LRBA: variants seen among roughly 807,000 people sequenced by gnomAD.
LRBA encodes the protein lipopolysaccharide-responsive and beige-like anchor protein.
LRBA carries 176 observed loss-of-function variants against 330.0 expected under a neutral mutation model. The ratio of observed to expected loss-of-function variants is 0.53; its 90% CI spans 0.47 to 0.60. The LOEUF (loss-of-function observed/expected upper bound fraction) is 0.60, where lower values mean the gene tolerates loss of function less well. Ranked by LOEUF, LRBA falls within the 20% of genes least tolerant of loss-of-function variation. The pLI is 0.00. For missense variants in LRBA, 3,259 were observed against 3,444.8 expected (o/e 0.95, Z 1.35); for synonymous variants, 1,230 against 1,193.0 (o/e 1.03, Z -0.64).
chr4:150,512,844 C>T (rs1202878618), intron 40 of LRBA, among the ~76,000 whole-genome samples: 2 of 151,618 alleles, frequency 1.3e-5, no homozygotes, highest in Non-Finnish European at 2.9e-5. Context: ...TAAAAATATG[C>T]AATGTAGATT....
At chr4:150,940,983 T>C (rs996157885) in intron 2 of LRBA, among the ~76,000 whole-genome samples, 6 of 152,068 alleles carry the variant, frequency 3.9e-5, no homozygotes, top group Admixed American at 1.3e-4. Context: ...TTTCAGTGTA[T>C]CTACTGACTC....
chr4:150,437,505 C>CTATATA (rs1299926510), intron 44 of LRBA, among the ~76,000 whole-genome samples: 4 of 136,018 alleles, frequency 2.9e-5, no homozygotes, highest in African/African-American at 1.0e-4. Flanking sequence ...CTCTCTCTCT[C>CTATATA]TCTATATATA....
At chr4:150,647,169 C>T (rs1266682481) in intron 37 of LRBA, among the ~76,000 whole-genome samples, 2 of 151,414 alleles carry the variant, frequency 1.3e-5, no homozygotes, top group Non-Finnish European at 2.9e-5. Flanking sequence ...TTGTCAAATG[C>T]CTTGCAGAAT....
At chr4:150,562,348 A>G (rs1359279268) in intron 40 of LRBA, among the ~76,000 whole-genome samples, 6 of 152,220 alleles carry the variant, frequency 3.9e-5, no homozygotes, top group African/African-American at 1.4e-4. Context: ...ACATACATAT[A>G]TATTCAGCCT....
At chr4:150,541,853 A>G (rs995841980) in intron 40 of LRBA, among the ~76,000 whole-genome samples, 21 of 152,114 alleles carry the variant, frequency 1.4e-4, no homozygotes, top group African/African-American at 4.8e-5. Context: ...TAATTTAAAA[A>G]AAATTTTTTT....
intron 56 of LRBA, among the ~76,000 whole-genome samples, chr4:150,275,501 G>A (rs2126730800): frequency 6.6e-6 from 1 of 152,294 alleles, no homozygotes; most frequent in African/African-American, 2.4e-5. Context: ...ATCCCTGTTT[G>A]CAGATGACAT....
At chr4:150,436,906 A>G (rs745807101) in intron 44 of LRBA, 42 bp from the exon 45 acceptor site, 5 of 1,572,840 alleles carry the variant, frequency 3.2e-6, no homozygotes, top group Non-Finnish European at 4.4e-6. Context: ...CATCAATGTA[A>G]TCATCCTTCA....
chr4:150,405,515 A>T (rs1172833155), intron 47 of LRBA, among the ~76,000 whole-genome samples: 1 of 152,152 alleles, frequency 6.6e-6, no homozygotes, highest in Non-Finnish European at 1.5e-5. Context: ...GCCATTTTGA[A>T]ATGTTTCTAT....
At chr4:150,559,456 G>A (rs1456777747) in intron 40 of LRBA, among the ~76,000 whole-genome samples, 3 of 147,878 alleles carry the variant, frequency 2.0e-5, no homozygotes, top group Non-Finnish European at 4.4e-5. Context: ...AGCTACTCAG[G>A]AGGTTGAGGC....
At chr4:150,376,780 C>T (rs1054202685) in intron 47 of LRBA, among the ~76,000 whole-genome samples, 2 of 152,084 alleles carry the variant, frequency 1.3e-5, no homozygotes, top group East Asian at 1.9e-4. Context: ...AAGATAACCC[C>T]GGGTGTTTTT....
chr4:150,556,031 G>A (rs1267466734), intron 40 of LRBA, among the ~76,000 whole-genome samples: 3 of 151,948 alleles, frequency 2.0e-5, no homozygotes, highest in Admixed American at 1.3e-4. Flanking sequence ...ACTAATTCTT[G>A]GGTTCAAGAG....
At chr4:150,466,228 C>G (rs1464429521) in intron 44 of LRBA, among the ~76,000 whole-genome samples, 1 of 152,086 alleles carries the variant, frequency 6.6e-6, no homozygotes, top group Non-Finnish European at 1.5e-5. Context: ...AAGATCCTAT[C>G]CTGTGGATAG....
At chr4:150,427,653 A>G (rs929657956) in intron 46 of LRBA, among the ~76,000 whole-genome samples, 2 of 152,072 alleles carry the variant, frequency 1.3e-5, no homozygotes, top group Admixed American at 1.3e-4. Context: ...ATGAATAAGG[A>G]TAAGATTTTA....
At chr4:151,002,810 G>A (rs908217514) in intron 2 of LRBA, among the ~76,000 whole-genome samples, 8 of 148,390 alleles carry the variant, frequency 5.4e-5, no homozygotes, top group Non-Finnish European at 1.0e-4. Context: ...CCAAGAGTTC[G>A]AAGCCAGCCT....
chr4:150,302,140 C>G (rs1729757835), intron 53 of LRBA, among the ~76,000 whole-genome samples: 1 of 152,148 alleles, frequency 6.6e-6, no homozygotes, highest in African/African-American at 2.4e-5. Context: ...CATTTCCCAT[C>G]TGAAAAACCA....
rs758362967 is a variant in LRBA at position 150,817,203 on chromosome 4, T to G, written c.5226A>C (p.Thr1742=). The G allele has an allele frequency of 3.7e-6, 6 of 1,612,164 alleles. No homozygotes were observed. In the South Asian group the frequency reaches 5.5e-5, roughly 15 times the overall value. ...CACTGACAGCATTGGTAGGTATGCT[T>G]GTATTAAAGGTGGAAGGTGAGACTG... ...KSAVSPSTFN[T]SIPTNAVSVV... The change falls in exon 31 of 57, where the codon ACA becomes ACC. Residue 1742 remains threonine, a synonymous_variant. Coordinates refer to ENST00000651943, the MANE Select transcript of LRBA (RefSeq NM_001364905.1).
intron 36 of LRBA, among the ~76,000 whole-genome samples, chr4:150,710,867 C>T (rs1786119840): frequency 3.3e-5 from 5 of 151,728 alleles, no homozygotes. Context: ...TACGTCTCTG[C>T]TTGCAAACTC....
chr4:150,284,779 G>A (rs1337495371), intron 54 of LRBA, among the ~76,000 whole-genome samples: 1 of 152,058 alleles, frequency 6.6e-6, no homozygotes, highest in African/African-American at 2.4e-5. Flanking sequence ...TCCCACCTTA[G>A]CCTCCCAAAA....
chr4:150,611,156 G>A (rs912508846), intron 37 of LRBA, among the ~76,000 whole-genome samples: 1 of 152,108 alleles, frequency 6.6e-6, no homozygotes, highest in Non-Finnish European at 1.5e-5. Flanking sequence ...AGGGAGGCAG[G>A]ACCTCACTCT....
Sources: gnomAD v4.1 joint callset for allele counts (sites outside exome capture counted in the v4.1 genomes callset) on GRCh38, gnomAD v4.1.1 for gene constraint, MANE v1.5 for transcripts, NCBI Gene and HGNC (gene_info 2026-07-23, HGNC 2026-07-21) for gene names.